The following NWD1 variants were observed in gnomAD, a reference collection of about 807,000 sequenced individuals.
NWD1 encodes the protein NACHT domain- and WD repeat-containing protein 1.
In NWD1, 129 loss-of-function variants were observed where a neutral mutation model predicts 135.1. The ratio of observed to expected loss-of-function variants is 0.96; its 90% confidence interval spans 0.83 to 1.11. The LOEUF is 1.11. Ranked by LOEUF, NWD1 falls within the 50% of genes least tolerant of loss-of-function variation. The probability of loss-of-function intolerance (pLI) is 0.00; values close to 1 mark genes in which losing one functional copy is unlikely to be tolerated. For missense variants in NWD1, 1,740 were observed against 1,851.3 expected, an observed-to-expected ratio of 0.94 and a Z score of 1.10; for synonymous variants, 773 against 786.0, an observed-to-expected ratio of 0.98 and a Z score of 0.28.
chr19:16,804,470 C>CT (rs1970693548), intron 17 of NWD1, among the ~76,000 whole-genome samples: 4 of 151,928 alleles, frequency 2.6e-5, no homozygotes, highest in Admixed American at 2.6e-4. Context: ...TGGTACATGC[C>CT]TGTAGTCCTA....
In NWD1 at chr19:16,750,418, C is replaced by G; in HGVS notation, c.1769+7C>G. 1 of 1,533,424 alleles carries G rather than the reference C, an allele frequency of 6.5e-7. No homozygotes were observed. The highest frequency in any genetic ancestry group is 8.7e-7 in the Non-Finnish European group (1 of 1,144,116). The allele number at this position is 1,533,424 out of a possible 1,614,324, so 95.0% of individuals were successfully genotyped here. A position where few individuals can be genotyped will look rare whatever the true frequency, so the allele number is the denominator to read the frequency against. On this transcript the variant is annotated splice_region_variant and intron_variant, in intron 6 of 18. Transcript: ENST00000524140. Reference sequence around the variant, plus strand: ...GCTACATTGTGTCTTCCCGGTAAGTCTCTGTGTTTTGAAACTCTTATTTAT... The same window carrying G: ...GCTACATTGTGTCTTCCCGGTAAGTGTCTGTGTTTTGAAACTCTTATTTAT...
At chr19:16,788,801 T>C (rs1970143982) in intron 12 of NWD1, among the ~76,000 whole-genome samples, 181 bp from the exon 13 acceptor site, 1 of 152,118 alleles carries the variant, frequency 6.6e-6, no homozygotes, top group Non-Finnish European at 1.5e-5. Flanking sequence ...CTTTATAGCC[T>C]GTTTGCCAGG....
chr19:16,772,131 C>T (rs1969435650), intron 10 of NWD1, among the ~76,000 whole-genome samples: 2 of 151,974 alleles, frequency 1.3e-5, no homozygotes, highest in African/African-American at 2.4e-5. Context: ...TTTGAGGGGT[C>T]GAGGAAGGAG....
At position 16,750,587 on chromosome 19, in the gene NWD1, G is replaced by A. The variant is rs933087315; in HGVS notation, c.1769+176G>A. Among the ~76,000 whole-genome samples the A allele has an allele frequency of 1.3e-4, 19 of 151,358 alleles. 1 individual carries two copies. Among genetic ancestry groups the A allele is most frequent in the African/African-American group, 4.6e-4 (19 of 41,152 alleles). ...CTCACGCCTCACCTGCTGAGTAGCT[G>A]GGACTACGGGCATGCACCACTGTGC... is the stretch of plus-strand genomic sequence containing the variant. On this transcript the variant is annotated intron_variant, in intron 6 of 18. Coordinates refer to ENST00000524140, the MANE Select transcript of NWD1 (RefSeq NM_001007525.5).
intron 5 of NWD1, among the ~76,000 whole-genome samples, chr19:16,746,371 CAAAG>C (rs1968316151): frequency 1.3e-5 from 2 of 150,922 alleles, no homozygotes; most frequent in Admixed American, 1.3e-4. Context: ...AACAAACAAA[CAAAG>C]AAACAACATA....
chr19:16,779,061 C>T (rs765201936), intron 11 of NWD1, among the ~76,000 whole-genome samples: 6 of 152,170 alleles, frequency 3.9e-5, no homozygotes, highest in Non-Finnish European at 8.8e-5. Flanking sequence ...CGATATGTGT[C>T]CGCTGGGTGA....
In NWD1 at chr19:16,750,345, C is replaced by A; in HGVS notation, c.1703C>A (p.Thr568Asn). 2 of 1,612,380 alleles carry A rather than the reference C, an allele frequency of 1.2e-6. No homozygotes were observed. Among genetic ancestry groups the A allele is most frequent in the Non-Finnish European group, 1.7e-6 (2 of 1,179,504 alleles). Reference protein sequence around the residue: ...TAEEATHQLCTRLEQTHGQLL... With the variant: ...TAEEATHQLCNRLEQTHGQLL... Reference sequence around the variant, plus strand: ...GAGGAAGCCACGCACCAACTCTGCACCCGCCTGGAGCAGACACACGGGCAG... The same window carrying A: ...GAGGAAGCCACGCACCAACTCTGCAACCGCCTGGAGCAGACACACGGGCAG... Residue 568 changes from threonine to asparagine, a missense_variant, in exon 6 of 19, where the codon ACC (threonine) becomes AAC (asparagine). Coordinates refer to ENST00000524140, the MANE Select transcript of NWD1 (RefSeq NM_001007525.5).
At chr19:16,754,010 A>T (rs188551583) in intron 6 of NWD1, among the ~76,000 whole-genome samples, 2 of 139,800 alleles carry the variant, frequency 1.4e-5, no homozygotes, top group African/African-American at 5.6e-5. Flanking sequence ...TTTATCCATC[A>T]TCTCTATCTT....
chr19:16,761,880 G>A, intron 7 of NWD1, 99 bp from the exon 8 acceptor site: 1 of 958,098 alleles, frequency 1.0e-6, no homozygotes, highest in African/African-American at 1.6e-5. Flanking sequence ...AGTGGTTTAG[G>A]ATGGCTTGGG....
chr19:16,729,796 T>C (rs557219879), intron 2 of NWD1, among the ~76,000 whole-genome samples: 4 of 150,052 alleles, frequency 2.7e-5, no homozygotes, highest in Non-Finnish European at 4.4e-5. Context: ...TTGAATCTGG[T>C]AGGCGGAGGT....
At position 16,765,207 on chromosome 19, in the gene NWD1, C is replaced by T; in HGVS notation, c.2410+15C>T. The T allele has an allele frequency of 1.2e-6, 2 of 1,613,312 alleles. No homozygotes were observed. The highest frequency in any genetic ancestry group is 8.5e-7 in the Non-Finnish European group (1 of 1,179,590). On this transcript the variant is annotated intron_variant, in intron 10 of 18. Transcript: ENST00000524140. ...CCGAGGCATGGGTGAGTCCAGATGG[C>T]CTGGATAGGAGTGACCAGGACGGGC... is the stretch of plus-strand genomic sequence containing the variant.
At chr19:16,755,229 G>T (rs936921304) in intron 6 of NWD1, among the ~76,000 whole-genome samples, 32 of 150,286 alleles carry the variant, frequency 2.1e-4, no homozygotes, top group Admixed American at 1.9e-3. Flanking sequence ...CTCTTTTTTG[G>T]GGGGGGACAG....
In NWD1 at chr19:16,749,503, C is replaced by T. The variant is rs578142025; in HGVS notation, c.861C>T (p.Ala287=). 41 of 1,610,606 alleles carry T rather than the reference C, an allele frequency of 2.5e-5. No homozygotes were observed. Among genetic ancestry groups the T allele is most frequent in the East Asian group, 4.5e-5 (2 of 44,762 alleles). The change falls in exon 6 of 19, where the codon GCC becomes GCT. Residue 287 remains alanine (A), a synonymous_variant. Coordinates refer to ENST00000524140, the MANE Select transcript of NWD1 (RefSeq NM_001007525.5). ...CACGCCTCCGTGAGCTGGATACGGC[C>T]GGACAGGAGTTGGCGTGGCTCTACC... ...VLTRLRELDT[A]GQELAWLYQE...
At chr19:16,739,701 T>C (rs1968001885) in intron 4 of NWD1, among the ~76,000 whole-genome samples, 2 of 151,860 alleles carry the variant, frequency 1.3e-5, no homozygotes. Context: ...CTTGGAGAGG[T>C]GTCTCTCTGG....
chr19:16,728,800 T>C (rs1004644300), intron 2 of NWD1, among the ~76,000 whole-genome samples: 61 of 151,332 alleles, frequency 4.0e-4, no homozygotes, highest in African/African-American at 1.3e-3. Flanking sequence ...AAAAATTAGC[T>C]AGGCGTGGTG....
Position 16,799,479 on chromosome 19 carries a change from C to G in NWD1, c.3460-407C>G, listed in dbSNP as rs796406733. On this transcript the variant is annotated intron_variant, in intron 16 of 18. Transcript: ENST00000524140. ...AAAGTGCTGGGATTACAGGTGTGAG[C>G]CACTGCACCTGGCCTATTTATTTAT... 2.0e-4 allele frequency among the ~76,000 whole-genome samples: 30 copies of G among 152,116 alleles called. 1 individual carries two copies. The highest frequency in any genetic ancestry group is 7.2e-4 in the African/African-American group (30 of 41,506).
At chr19:16,736,040 TTCTA>T (rs1157919976) in intron 3 of NWD1, among the ~76,000 whole-genome samples, 1 of 151,972 alleles carries the variant, frequency 6.6e-6, no homozygotes, top group Non-Finnish European at 1.5e-5. Flanking sequence ...TTGCCAGCTC[TTCTA>T]TCTAAGTCTT....
rs1011335905 is a variant in NWD1 at position 16,815,598 on chromosome 19, C to T, written c.*559C>T. On this transcript the variant is annotated 3_prime_UTR_variant, in exon 19 of 19. Transcript: ENST00000524140. Reference sequence around the variant, plus strand: ...CAATAGAAAAGAGAGCTTCTCTTTCCCAACAGTCCTAGCCTCAACTCTACT... The same window carrying T: ...CAATAGAAAAGAGAGCTTCTCTTTCTCAACAGTCCTAGCCTCAACTCTACT... The T allele has an allele frequency of 2.2e-5, 9 of 417,036 alleles. No individual in the cohort carries two copies. Among genetic ancestry groups the T allele is most frequent in the Non-Finnish European group, 3.9e-5 (9 of 230,644 alleles). The allele number at this position is 417,036 out of a possible 1,614,324, so 25.8% of individuals were successfully genotyped here. A position where few individuals can be genotyped will look rare whatever the true frequency, so the allele number is the denominator to read the frequency against.
At chr19:16,813,065 T>G (rs937390781) in intron 18 of NWD1, among the ~76,000 whole-genome samples, 3 of 152,136 alleles carry the variant, frequency 2.0e-5, no homozygotes, top group African/African-American at 7.2e-5. Context: ...GAGTTTTCAT[T>G]AGGGCATGCA....
Sources: gnomAD v4.1 joint callset for allele counts (sites outside exome capture counted in the v4.1 genomes callset) on GRCh38, gnomAD v4.1.1 for gene constraint, MANE v1.5 for transcripts, NCBI Gene and HGNC (gene_info 2026-07-23, HGNC 2026-07-21) for gene names.